The following SLC25A26 variants were observed in gnomAD, a reference collection of about 807,000 sequenced individuals.
SLC25A26 encodes the protein mitochondrial S-adenosylmethionine carrier protein.
A neutral mutation model predicts 37.8 loss-of-function variants in SLC25A26; 36 were observed. The ratio of observed to expected loss-of-function variants is 0.95; its 90% CI spans 0.73 to 1.26. The LOEUF is 1.26. Ranked by LOEUF, SLC25A26 falls within the 50% of genes most tolerant of loss-of-function variation. The probability of loss-of-function intolerance (pLI) is 0.00; values close to 1 mark genes in which losing one functional copy is unlikely to be tolerated. For synonymous variants in SLC25A26, 129 were observed against 122.5 expected, an observed-to-expected ratio of 1.05 and a Z score of -0.35; for missense variants, 390 against 331.1, an observed-to-expected ratio of 1.18 and a Z score of -1.38.
chr3:66,226,982 A>G (rs905844985), intron 1 of SLC25A26, among the ~76,000 whole-genome samples: 3 of 152,234 alleles, frequency 2.0e-5, no homozygotes, highest in Non-Finnish European at 4.4e-5. Context: ...AAACCTTATC[A>G]ACAGTAGTTT....
chr3:66,278,317 T>C (rs975219145), intron 5 of SLC25A26, among the ~76,000 whole-genome samples: 2 of 152,152 alleles, frequency 1.3e-5, no homozygotes, highest in African/African-American at 4.8e-5. Context: ...ATTGTTAACT[T>C]GTATTAAAAT....
Position 66,182,645 on chromosome 3 carries a change from G to A in SLC25A26, c.-353-38097G>A, listed in dbSNP as rs142140131. 4.4e-4 allele frequency among the ~76,000 whole-genome samples: 62 copies of A among 142,040 alleles called. 2 individuals are homozygous for A. In the East Asian group the frequency reaches 0.011, roughly 24 times the overall value. The allele number at this position is 142,040 out of a possible 152,430, so 93.2% of individuals were successfully genotyped here. On this transcript the variant is annotated intron_variant, in intron 1 of 10. Coordinates refer to the SLC25A26 transcript ENST00000676754. Reference sequence around the variant, plus strand: ...TACAGATGAGGCAACAAGAGAAGTCGCTGGCACAAGATCTAATGCTTATAA... The same window carrying A: ...TACAGATGAGGCAACAAGAGAAGTCACTGGCACAAGATCTAATGCTTATAA...
intron 5 of SLC25A26, among the ~76,000 whole-genome samples, chr3:66,324,797 GT>G (rs397805698): frequency 0.049 from 7,140 of 147,214 alleles, 224 homozygotes; most frequent in South Asian, 0.077. Context: ...GTAAGCACAG[GT>G]TTTTTTTTTT....
chr3:66,248,061 G>A (rs945529183), intron 3 of SLC25A26, among the ~76,000 whole-genome samples: 3 of 152,182 alleles, frequency 2.0e-5, no homozygotes, highest in Admixed American at 1.3e-4. Context: ...AGACAGATTG[G>A]TTAGAAACAA....
chr3:66,320,634 T>G (rs1350712663), intron 5 of SLC25A26, among the ~76,000 whole-genome samples: 1 of 152,226 alleles, frequency 6.6e-6, no homozygotes, highest in Non-Finnish European at 1.5e-5. Flanking sequence ...AAAGGAATTC[T>G]ATTTTTAGCT....
chr3:66,370,766 T>C (rs1173481445), intron 9 of SLC25A26, 164 bp downstream of exon 9: 1 of 182,058 alleles, frequency 5.5e-6, no homozygotes, highest in Non-Finnish European at 1.0e-5. Flanking sequence ...TGAGATAACA[T>C]AGCAAATCAA....
At chr3:66,268,575 C>A (rs964869031) in intron 5 of SLC25A26, among the ~76,000 whole-genome samples, 1 of 152,174 alleles carries the variant, frequency 6.6e-6, no homozygotes, top group Non-Finnish European at 1.5e-5. Flanking sequence ...GGGATCCAGG[C>A]GAAGTGCCTT....
At chr3:66,301,546 T>C (rs2075076331) in intron 5 of SLC25A26, among the ~76,000 whole-genome samples, 1 of 152,208 alleles carries the variant, frequency 6.6e-6, no homozygotes, top group Non-Finnish European at 1.5e-5. Flanking sequence ...AAAGTAAAAC[T>C]TTAACAAGAG....
rs544080600 is a variant in SLC25A26 at position 66,275,934 on chromosome 3, C to G, written c.453+12555C>G. Reference sequence around the variant, plus strand: ...AGAATTACCCTTGATGTTCTCATTACTGTATACTGTCTTATTGTCTGAATA... The same window carrying G: ...AGAATTACCCTTGATGTTCTCATTAGTGTATACTGTCTTATTGTCTGAATA... On this transcript the variant is annotated intron_variant, in intron 5 of 9. Coordinates refer to ENST00000354883, the MANE Select transcript of SLC25A26 (RefSeq NM_001379210.1). 1.4e-3 allele frequency among the ~76,000 whole-genome samples: 206 copies of G among 152,152 alleles called. 1 individual carries two copies. The highest frequency in any genetic ancestry group is 1.4e-3 in the Non-Finnish European group (92 of 67,988).
At chr3:66,189,386 C>G (rs1414006541) in intron 1 of SLC25A26, among the ~76,000 whole-genome samples, 2 of 151,998 alleles carry the variant, frequency 1.3e-5, no homozygotes, top group Non-Finnish European at 2.9e-5. Flanking sequence ...GATACTGCTC[C>G]TGACACTTAC....
In SLC25A26 at chr3:66,328,798, T is replaced by C. The variant is rs1027954709; in HGVS notation, c.454-17566T>C. On this transcript the variant is annotated intron_variant, in intron 5 of 9. Transcript: ENST00000354883. ...ATTTTGACTTATGCCCTTAAGTTTC[T>C]ATTTGTTGTCTAAATGGCACCATTT... is the stretch of plus-strand genomic sequence containing the variant. Among the ~76,000 whole-genome samples, 21 of 152,222 alleles carry C rather than the reference T, an allele frequency of 1.4e-4. 1 individual carries two copies. The highest frequency in any genetic ancestry group is 3.9e-4 in the African/African-American group (16 of 41,456).
rs183380229 is a variant in SLC25A26, at chr3:66,295,962, C to G, written c.453+32583C>G. Among the ~76,000 whole-genome samples, 827 of 151,672 alleles carry G rather than the reference C, an allele frequency of 5.5e-3. 8 individuals carry two copies. The highest frequency in any genetic ancestry group is 0.019 in the African/African-American group (794 of 41,434). ...TGAAACCTCATCTTTAATAAAAATA[C>G]AAAAATTAGCTGGGCATGGTGGCAG... On this transcript the variant is annotated intron_variant, in intron 5 of 9. Transcript: ENST00000354883.
At chr3:66,282,247 A>G (rs1184278021) in intron 5 of SLC25A26, among the ~76,000 whole-genome samples, 2 of 151,182 alleles carry the variant, frequency 1.3e-5, no homozygotes, top group Non-Finnish European at 1.5e-5. Flanking sequence ...TCCTGACCTC[A>G]TGATCCACCC....
At chr3:66,141,000 C>A (rs772736866) in intron 1 of SLC25A26, among the ~76,000 whole-genome samples, 1 of 151,772 alleles carries the variant, frequency 6.6e-6, no homozygotes, top group Non-Finnish European at 1.5e-5. Context: ...TACTAGTCAA[C>A]AGACTACAGT....
intron 5 of SLC25A26, among the ~76,000 whole-genome samples, chr3:66,264,433 C>G (rs1480217515): frequency 2.0e-5 from 3 of 152,224 alleles, no homozygotes; most frequent in African/African-American, 7.2e-5. Flanking sequence ...TGGTACTAGT[C>G]TGTGGCCTGT....
At chr3:66,232,850 A>T (rs1453349577) in intron 1 of SLC25A26, among the ~76,000 whole-genome samples, 1 of 152,224 alleles carries the variant, frequency 6.6e-6, no homozygotes, top group Non-Finnish European at 1.5e-5. Context: ...GATTTTATGA[A>T]AATGATTAGT....
chr3:66,166,686 C>G (rs2070429091), intron 1 of SLC25A26, among the ~76,000 whole-genome samples: 1 of 152,194 alleles, frequency 6.6e-6, no homozygotes, highest in Non-Finnish European at 1.5e-5. Context: ...CAGCTTAGCA[C>G]TCCCTTTTCC....
chr3:66,172,818 T>C (rs1198087203), intron 1 of SLC25A26, among the ~76,000 whole-genome samples: 1 of 152,152 alleles, frequency 6.6e-6, no homozygotes, highest in Admixed American at 6.5e-5. Flanking sequence ...ATGGTGCTCT[T>C]CCTGGATGCA....
At chr3:66,208,674 ATATACACATTTATATGGG>A (rs2071214037) in intron 1 of SLC25A26, among the ~76,000 whole-genome samples, 4 of 145,926 alleles carry the variant, frequency 2.7e-5, no homozygotes, top group East Asian at 2.0e-4. Context: ...ATATATATAT[ATATACACATTTATATGGG>A]TATATATATA....
Sources: gnomAD v4.1 joint callset for allele counts (sites outside exome capture counted in the v4.1 genomes callset) on GRCh38, gnomAD v4.1.1 for gene constraint, MANE v1.5 for transcripts, NCBI Gene and HGNC (gene_info 2026-07-23, HGNC 2026-07-21) for gene names.